CAD: variants seen among roughly 807,000 people sequenced by gnomAD.
CAD encodes the protein multifunctional protein CAD.
In CAD, 81 loss-of-function variants were observed where a neutral mutation model predicts 237.2. That is an observed-to-expected ratio of 0.34 (90% CI 0.29 to 0.41). The LOEUF (loss-of-function observed/expected upper bound fraction) is 0.41. CAD is among the 10% of genes least tolerant of loss of function. The pLI is 1.00. For synonymous variants in CAD, 1,196 were observed against 1,162.8 expected (o/e 1.03, Z -0.58); for missense variants, 2,181 against 2,951.7 (o/e 0.74, Z 6.05).
At position 27,242,152 on chromosome 2, in the gene CAD, G is replaced by T. The variant is rs1250428339; in HGVS notation, c.6096+29G>T. The T allele has an allele frequency of 6.2e-7, 1 of 1,607,714 alleles. No individual in the cohort carries two copies. The highest frequency in any genetic ancestry group is 1.7e-5 in the Admixed American group (1 of 59,946). ...AGGCCAGCCTGGGTACTGAGATGGG[G>T]TTAAGAAGGCTGGACCCAGGGGCAT... On this transcript the variant is annotated intron_variant, in intron 39 of 43. Transcript: ENST00000264705. This position sits in a 1 kb window ranked among gnomAD's most constrained non-coding sequence, Gnocchi z 6.4.
Position 27,242,693 on chromosome 2 carries a change from T to TCAGCCTGCGCTACGTGGCACCTCC in CAD, c.6307_6330dup (p.Tyr2103_Arg2110dup). The stretch of plus-strand genomic sequence containing the variant: ...GCCTGCCTGCTCACCCAGTATCGTG[T>TCAGCCTGCGCTACGTGGCACCTCC]CAGCCTGCGCTACGTGGCACCTCCC... On this transcript the variant is annotated inframe_insertion, in exon 41 of 44. Coordinates refer to ENST00000264705, the MANE Select transcript of CAD (RefSeq NM_004341.5). This position sits in a 1 kb window ranked among gnomAD's most constrained non-coding sequence, Gnocchi z 6.4. 6.2e-7 allele frequency: 1 copy of TCAGCCTGCGCTACGTGGCACCTCC among 1,614,042 alleles called. No individual in the cohort carries two copies. The highest frequency in any genetic ancestry group is 8.5e-7 in the Non-Finnish European group (1 of 1,179,964).
At chr2:27,227,568 T>C (rs1266590660) in intron 15 of CAD, 2 of 152,224 alleles carry the variant, frequency 1.3e-5, no homozygotes, top group Non-Finnish European at 2.9e-5. Context: ...TTTCAGAATT[T>C]TTAGAAATTC....
chr2:27,230,896 C>G (rs1477244767), intron 15 of CAD, among the ~76,000 whole-genome samples: 1 of 152,220 alleles, frequency 6.6e-6, no homozygotes, highest in African/African-American at 2.4e-5. Flanking sequence ...TATCCCCATG[C>G]CCGTTTTAGG....
In CAD at chr2:27,243,776, C is replaced by A; in HGVS notation, c.*258C>A. 2 of 501,690 alleles carry A rather than the reference C, an allele frequency of 4.0e-6. No homozygotes were observed. The highest frequency in any genetic ancestry group is 7.1e-6 in the Non-Finnish European group (2 of 281,652). 31.1% of individuals were successfully genotyped at this position (501,690 alleles called of 1,614,324 possible). A position where few individuals can be genotyped will look rare whatever the true frequency, so the allele number is the denominator to read the frequency against. ...TCTACTGACTTAATAAACAGCCGAG[C>A]TGTCCCTTGATGCTGAGTGTAGTAG... On this transcript the variant is annotated 3_prime_UTR_variant, in exon 44 of 44. Transcript: ENST00000264705.
chr2:27,226,673 CAG>C, intron 14 of CAD, 24 bp downstream of exon 14: 3 of 1,613,444 alleles, frequency 1.9e-6, no homozygotes, highest in Non-Finnish European at 2.5e-6. Context: ...GGAGATATCA[CAG>C]TGGGGAAGTG....
intron 15 of CAD, among the ~76,000 whole-genome samples, chr2:27,228,855 T>C (rs543023489): frequency 6.6e-6 from 1 of 151,858 alleles, no homozygotes; most frequent in East Asian, 1.9e-4. Context: ...CCTCCCAAAG[T>C]GCTGGGATTA....
Position 27,242,613 on chromosome 2 carries a change from C to T in CAD, c.6223-7C>T, listed in dbSNP as rs780794987. On this transcript the variant is annotated splice_polypyrimidine_tract_variant and splice_region_variant and intron_variant, in intron 40 of 43. Coordinates refer to ENST00000264705, the MANE Select transcript of CAD (RefSeq NM_004341.5). The surrounding 1 kb of genome is among the most constrained non-coding windows in gnomAD (Gnocchi z 6.4). ...GGATCCCTGTGGTGACTGGATTCCT[C>T]TCCTAGATCACGATGGTGGGTGACC... is the stretch of plus-strand genomic sequence containing the variant. The T allele has an allele frequency of 6.3e-7, 1 of 1,587,966 alleles. No individual in the cohort carries two copies. The highest frequency in any genetic ancestry group is 1.7e-5 in the Admixed American group (1 of 59,072).
At position 27,237,865 on chromosome 2, in the gene CAD, G is replaced by C. The variant is rs749357163; in HGVS notation, c.4711G>C (p.Val1571Leu). 2 of 1,611,964 alleles carry C rather than the reference G, an allele frequency of 1.2e-6. No individual in the cohort carries two copies. The highest frequency in any genetic ancestry group is 1.7e-6 in the Non-Finnish European group (2 of 1,178,858). The part of the protein sequence containing the change: ...ETFSELRLDS[V>L]VQWMEHFETW... ...CTTCTCTGAGCTGCGGCTGGACAGC[G>C]TGGTCCAGTGGATGGAGGTAGGGAG... Residue 1571 changes from valine to leucine, a missense_variant, in exon 29 of 44, where the codon GTG becomes CTG. By Grantham distance (32) the Val-to-Leu change is conservative (BLOSUM62 1). Transcript: ENST00000264705. The surrounding 1 kb of genome is among the most constrained non-coding windows in gnomAD (Gnocchi z 4.0).
chr2:27,236,860 A>G lies in CAD; in HGVS notation c.4396+30A>G, dbSNP rs1363841101. ...GTCTTTGGGGAGAACTTGGCTTCTG[A>G]ACACTGGCAGCCCCTGGCATAGAGA... On this transcript the variant is annotated intron_variant, in intron 27 of 43. Coordinates refer to ENST00000264705, the MANE Select transcript of CAD (RefSeq NM_004341.5). This position sits in a 1 kb window ranked among gnomAD's most constrained non-coding sequence, Gnocchi z 4.1. 1 of 1,587,598 alleles carries G rather than the reference A, an allele frequency of 6.3e-7. No homozygotes were observed. The highest frequency in any genetic ancestry group is 8.7e-7 in the Non-Finnish European group (1 of 1,155,932).
At chr2:27,226,985 C>T (rs766285278) in intron 15 of CAD, 23 bp downstream of exon 15, 35 of 1,611,740 alleles carry the variant, frequency 2.2e-5, no homozygotes, top group Non-Finnish European at 2.9e-5. Flanking sequence ...CCCTGGGCAC[C>T]CCCATGGGGC....
intron 23 of CAD, among the ~76,000 whole-genome samples, 174 bp downstream of exon 23, chr2:27,234,859 A>G (rs1675927336): frequency 6.6e-6 from 1 of 152,088 alleles, no homozygotes. Flanking sequence ...ATGGGAGGGA[A>G]GAGAAGTTGG....
Position 27,232,741 on chromosome 2 carries a change from C to A in CAD, c.2892+47C>A. On this transcript the variant is annotated intron_variant, in intron 18 of 43. Transcript: ENST00000264705. This position sits in a 1 kb window ranked among gnomAD's most constrained non-coding sequence, Gnocchi z 4.1. ...CCACTTTCCTTGCTATTCTGTTCAT[C>A]TCTAGCAATTGCTTGGCACTAATCC... 6.2e-7 allele frequency: 1 copy of A among 1,609,466 alleles called. No homozygotes were observed. Among genetic ancestry groups the A allele is most frequent in the Non-Finnish European group, 8.5e-7 (1 of 1,176,508 alleles).
intron 42 of CAD, 87 bp downstream of exon 42, chr2:27,243,060 C>A: frequency 1.5e-6 from 2 of 1,362,042 alleles, no homozygotes; most frequent in South Asian, 2.6e-5. Context: ...AGGGCTGGGT[C>A]AGAGCTGTTA....
At position 27,232,222 on chromosome 2, in the gene CAD, G is replaced by C; in HGVS notation, c.2643G>C (p.Leu881=). 6.2e-7 allele frequency: 1 copy of C among 1,613,652 alleles called. No homozygotes were observed. Among genetic ancestry groups the C allele is most frequent in the East Asian group, 2.2e-5 (1 of 44,882 alleles). The change falls in exon 17 of 44, where the codon CTG becomes CTC. Residue 881 remains leucine, a splice_region_variant and synonymous_variant. Transcript: ENST00000264705. The surrounding 1 kb of genome is among the most constrained non-coding windows in gnomAD (Gnocchi z 4.1). ...ACAAACAGATTGCCCTTGCAGTTCT[G>C]AGGTCAGAGGTGGCAATGAGAGCTT... ...FSDKQIALAV[L]STELAVRKLR...
rs1443406838 is a variant in CAD, at chr2:27,243,652, T to G, written c.*134T>G. The G allele has an allele frequency of 5.5e-6, 4 of 720,984 alleles. No individual in the cohort carries two copies. Among genetic ancestry groups the G allele is most frequent in the Non-Finnish European group, 9.3e-6 (4 of 432,150 alleles). The allele number at this position is 720,984 out of a possible 1,614,324, so 44.7% of individuals were successfully genotyped here. ...CACATGTGCTGACCACACTTCAGGC[T>G]CTGGACTGGAGCTCTCTGGCATGGG... On this transcript the variant is annotated 3_prime_UTR_variant, in exon 44 of 44. Coordinates refer to ENST00000264705, the MANE Select transcript of CAD (RefSeq NM_004341.5).
At chr2:27,226,424 A>G in intron 13 of CAD, 101 bp from the exon 14 acceptor site, 5 of 1,550,376 alleles carry the variant, frequency 3.2e-6, no homozygotes, top group Non-Finnish European at 4.4e-6. Flanking sequence ...TCCCTGGAGT[A>G]CAAGCTGGAA....
intron 30 of CAD, 121 bp from the exon 31 acceptor site, chr2:27,238,310 G>C (rs1676124044): frequency 1.4e-6 from 2 of 1,461,492 alleles, no homozygotes; most frequent in Non-Finnish European, 1.9e-6. Context: ...GGAGGGTCTC[G>C]AGCCAGCACC....
Position 27,236,280 on chromosome 2 carries a change from G to T in CAD, c.4075-4G>T, listed in dbSNP as rs1257598262. The T allele has an allele frequency of 2.5e-6, 4 of 1,612,124 alleles. No individual in the cohort carries two copies. The highest frequency in any genetic ancestry group is 4.5e-5 in the East Asian group (2 of 44,858). ...TGGCCCTGACCTTGACTCCGGGTTG[G>T]CAGGTAACAGCTGTGGACTGGCACT... On this transcript the variant is annotated splice_region_variant and splice_polypyrimidine_tract_variant and intron_variant, in intron 25 of 43. Transcript: ENST00000264705. This position sits in a 1 kb window ranked among gnomAD's most constrained non-coding sequence, Gnocchi z 4.1.
In CAD at chr2:27,232,026, C is replaced by T; in HGVS notation, c.2447C>T (p.Ala816Val). The change falls in exon 17 of 44, where the codon GCT (alanine) becomes GTT (valine). Residue 816 changes from alanine to valine, a missense_variant. Coordinates refer to ENST00000264705, the MANE Select transcript of CAD (RefSeq NM_004341.5). This position sits in a 1 kb window ranked among gnomAD's most constrained non-coding sequence, Gnocchi z 4.1. ...AAGCGGATTTTTGTGGTGGCAGCTG[C>T]TTTGTGGGCTGGTTATTCAGTGGAC... The part of the protein sequence containing the change: ...TDKRIFVVAA[A>V]LWAGYSVDRL... 4 of 1,614,218 alleles carry T rather than the reference C, an allele frequency of 2.5e-6. No individual in the cohort carries two copies. The highest frequency in any genetic ancestry group is 3.4e-6 in the Non-Finnish European group (4 of 1,180,044).
Sources: gnomAD v4.1 joint callset for allele counts (sites outside exome capture counted in the v4.1 genomes callset) on GRCh38, gnomAD v4.1.1 for gene constraint, Gnocchi (gnomAD v3.1) non-coding constraint, MANE v1.5 for transcripts, NCBI Gene and HGNC (gene_info 2026-07-23, HGNC 2026-07-21) for gene names.